Variants in OXCT1 observed in about 807,000 individuals in gnomAD.
OXCT1 encodes the protein succinyl-CoA:3-ketoacid coenzyme A transferase 1, mitochondrial.
Under a neutral mutation model 69.6 loss-of-function variants are expected in OXCT1, and 27 were observed. The ratio of observed to expected loss-of-function variants is 0.39; its 90% CI spans 0.29 to 0.54. The LOEUF (loss-of-function observed/expected upper bound fraction) is 0.54, where lower values mean the gene tolerates loss of function less well. Ranked by LOEUF, OXCT1 falls within the 20% of genes least tolerant of loss-of-function variation. The pLI, the probability that OXCT1 is intolerant of heterozygous loss-of-function variation, is 0.72. For synonymous variants in OXCT1, 202 were observed against 217.8 expected, an observed-to-expected ratio of 0.93 and a Z score of 0.64; for missense variants, 437 against 650.2, an observed-to-expected ratio of 0.67 and a Z score of 3.57.
At chr5:41,825,717 C>T (rs756621872) in intron 7 of OXCT1, among the ~76,000 whole-genome samples, 3 of 152,138 alleles carry the variant, frequency 2.0e-5, no homozygotes, top group African/African-American at 7.2e-5. Context: ...CCTCCTCTCT[C>T]ATCACATGAT....
At chr5:41,771,333 A>C (rs1197267787) in intron 13 of OXCT1, among the ~76,000 whole-genome samples, 1 of 152,250 alleles carries the variant, frequency 6.6e-6, no homozygotes, top group African/African-American at 2.4e-5. Flanking sequence ...GAAATTAATA[A>C]GTATTTATTA....
At chr5:41,779,904 T>G (rs1745312205) in intron 13 of OXCT1, among the ~76,000 whole-genome samples, 1 of 152,118 alleles carries the variant, frequency 6.6e-6, no homozygotes, top group Non-Finnish European at 1.5e-5. Flanking sequence ...TTCTCAAAGA[T>G]TATGACATGC....
intron 7 of OXCT1, among the ~76,000 whole-genome samples, chr5:41,818,066 G>C (rs1192474659): frequency 1.3e-5 from 2 of 152,192 alleles, no homozygotes; most frequent in Non-Finnish European, 2.9e-5. Flanking sequence ...TGAACCTGCT[G>C]ACTCAGTGAC....
At chr5:41,755,889 C>T in intron 14 of OXCT1, among the ~76,000 whole-genome samples, 1 of 152,086 alleles carries the variant, frequency 6.6e-6, no homozygotes, top group Non-Finnish European at 1.5e-5. Flanking sequence ...CTTTACAAGA[C>T]TGTAAACACA....
chr5:41,847,039 T>A (rs1748944343), intron 5 of OXCT1, among the ~76,000 whole-genome samples: 1 of 151,788 alleles, frequency 6.6e-6, no homozygotes, highest in African/African-American at 2.4e-5. Context: ...CTAGCAAGAC[T>A]AATAAAGAAA....
At chr5:41,805,709 C>T (rs747173191) in intron 8 of OXCT1, 28 bp from the exon 9 acceptor site, 7 of 1,423,354 alleles carry the variant, frequency 4.9e-6, no homozygotes, top group South Asian at 1.1e-5. Context: ...ATAAATTATT[C>T]GTGGTTGAGG....
At chr5:41,867,746 A>C (rs1232571047) in intron 1 of OXCT1, among the ~76,000 whole-genome samples, 1 of 152,240 alleles carries the variant, frequency 6.6e-6, no homozygotes, top group African/African-American at 2.4e-5. Context: ...GCAGCTCAGG[A>C]GAGTCAGAGG....
intron 3 of OXCT1, chr5:41,853,824 CAT>C (rs1749305313): frequency 1.9e-6 from 1 of 524,392 alleles, no homozygotes; most frequent in Non-Finnish European, 3.5e-6. Flanking sequence ...CAGTAAGGGA[CAT>C]ACAGCCAATA....
intron 5 of OXCT1, among the ~76,000 whole-genome samples, chr5:41,844,719 G>A (rs529185615): frequency 6.6e-6 from 1 of 151,922 alleles, no homozygotes; most frequent in South Asian, 2.1e-4. Context: ...CTTTGATAAG[G>A]CCTGTGCTTC....
chr5:41,779,294 TC>T, intron 13 of OXCT1, among the ~76,000 whole-genome samples: 1 of 152,290 alleles, frequency 6.6e-6, no homozygotes, highest in East Asian at 1.9e-4. Flanking sequence ...ATTTCAGAGA[TC>T]ATATATGCAC....
At chr5:41,834,937 A>G (rs2112378929) in intron 7 of OXCT1, among the ~76,000 whole-genome samples, 1 of 152,328 alleles carries the variant, frequency 6.6e-6, no homozygotes, top group Non-Finnish European at 1.5e-5. Context: ...AAGAACTAGA[A>G]AAGAGCAAAC....
chr5:41,736,747 T>C (rs1163583528), intron 16 of OXCT1, among the ~76,000 whole-genome samples: 4 of 152,234 alleles, frequency 2.6e-5, no homozygotes, highest in Admixed American at 6.5e-5. Context: ...ACTAGGATTT[T>C]ACCTTTTTTT....
intron 1 of OXCT1, among the ~76,000 whole-genome samples, chr5:41,863,883 C>G (rs536269261): frequency 4.6e-5 from 7 of 152,276 alleles, no homozygotes; most frequent in Admixed American, 6.5e-5. Context: ...AAACACATAC[C>G]TACAGAGTTG....
At chr5:41,844,587 A>G (rs1436941275) in intron 5 of OXCT1, among the ~76,000 whole-genome samples, 2 of 151,968 alleles carry the variant, frequency 1.3e-5, no homozygotes, top group South Asian at 2.1e-4. Flanking sequence ...TTTAAATACT[A>G]TATGCTGATG....
chr5:41,739,681 C>T lies in OXCT1; in HGVS notation c.1420-190G>A, dbSNP rs549107976. 3.4e-3 allele frequency: 1,718 copies of T among 503,560 alleles called. 8 individuals carry two copies. Among genetic ancestry groups the T allele is most frequent in the Middle Eastern group, 9.1e-3 (16 of 1,760 alleles). 31.2% of individuals were successfully genotyped at this position (503,560 alleles called of 1,614,324 possible). A position where few individuals can be genotyped will look rare whatever the true frequency, so the allele number is the denominator to read the frequency against. ...GAGATCGAGACCATCCTGGCTAACA[C>T]GGTGAAACCCCGTCTCTACTAAAAA... On this transcript the variant is annotated intron_variant, in intron 15 of 16. Coordinates refer to ENST00000196371, the MANE Select transcript of OXCT1 (RefSeq NM_000436.4).
At chr5:41,767,313 A>C (rs562310275) in intron 13 of OXCT1, among the ~76,000 whole-genome samples, 1 of 152,254 alleles carries the variant, frequency 6.6e-6, no homozygotes, top group South Asian at 2.1e-4. Context: ...TTGATTATGT[A>C]AACCAACTAA....
chr5:41,814,312 G>A (rs1747125027), intron 7 of OXCT1, among the ~76,000 whole-genome samples: 1 of 152,008 alleles, frequency 6.6e-6, no homozygotes, highest in Admixed American at 6.6e-5. Flanking sequence ...TAAAATACCT[G>A]GCCTAATAGT....
At chr5:41,866,518 A>G (rs1749983202) in intron 1 of OXCT1, among the ~76,000 whole-genome samples, 1 of 152,210 alleles carries the variant, frequency 6.6e-6, no homozygotes, top group African/African-American at 2.4e-5. Flanking sequence ...TATAAAGAAA[A>G]GGCAGTAATA....
chr5:41,737,377 AT>A (rs1455272942), intron 16 of OXCT1, among the ~76,000 whole-genome samples: 3 of 152,124 alleles, frequency 2.0e-5, no homozygotes, highest in Non-Finnish European at 4.4e-5. Context: ...TTCATTCCTT[AT>A]TTACCCACAT....
Sources: allele counts gnomAD v4.1 joint callset (sites outside exome capture counted in the v4.1 genomes callset), GRCh38; gene constraint gnomAD v4.1.1; transcripts MANE v1.5; gene names NCBI Gene and HGNC (gene_info 2026-07-23, HGNC 2026-07-21).